FOXP2: variants seen among roughly 807,000 people sequenced by gnomAD.
FOXP2 encodes forkhead box protein P2.
In FOXP2, 12 loss-of-function variants were observed where a neutral mutation model predicts 115.8. The ratio of observed to expected loss-of-function variants is 0.10; its 90% CI spans 0.07 to 0.17. The LOEUF (loss-of-function observed/expected upper bound fraction) is 0.17, where lower values mean the gene tolerates loss of function less well. Among genes scored for constraint, FOXP2 ranks in the 10% least tolerant of loss-of-function variants. The probability of loss-of-function intolerance (pLI) is 1.00; values close to 1 mark genes in which losing one functional copy is unlikely to be tolerated. For synonymous variants in FOXP2, 328 were observed against 297.7 expected, an observed-to-expected ratio of 1.10 and a Z score of -1.05; for missense variants, 629 against 843.5, an observed-to-expected ratio of 0.75 and a Z score of 3.15.
At chr7:114,450,629 G>C (rs559761898) in intron 2 of FOXP2, among the ~76,000 whole-genome samples, 2 of 152,026 alleles carry the variant, frequency 1.3e-5, no homozygotes, top group Non-Finnish European at 2.9e-5. Flanking sequence ...TTAGTCAGTA[G>C]CCCTGTCTCC....
chr7:114,427,295 A>G (rs965923142), intron 2 of FOXP2, among the ~76,000 whole-genome samples: 3 of 151,640 alleles, frequency 2.0e-5, no homozygotes, highest in African/African-American at 7.2e-5. Context: ...ATAAAATGCA[A>G]TATTCTCTTT....
At chr7:114,677,180 A>AAAAAAAC (rs540326828) in intron 16 of FOXP2, among the ~76,000 whole-genome samples, 9,696 of 147,908 alleles carry the variant, frequency 0.066, 707 homozygotes, top group East Asian at 0.33. Context: ...AACAAAAAAA[A>AAAAAAAC]AAAAAACAAA....
intron 2 of FOXP2, among the ~76,000 whole-genome samples, chr7:114,486,869 C>T (rs1201112865): frequency 6.6e-6 from 1 of 152,168 alleles, no homozygotes; most frequent in African/African-American, 2.4e-5. Context: ...GCAGCTCCAC[C>T]CCTGTGGCTT....
chr7:114,517,550 T>C (rs939810490), intron 2 of FOXP2, among the ~76,000 whole-genome samples: 3 of 152,220 alleles, frequency 2.0e-5, no homozygotes, highest in Non-Finnish European at 4.4e-5. Flanking sequence ...AGTGGATATA[T>C]GCAGTTTCCC....
intron 2 of FOXP2, among the ~76,000 whole-genome samples, chr7:114,404,758 G>C (rs954213062): frequency 6.6e-6 from 1 of 151,958 alleles, no homozygotes; most frequent in East Asian, 1.9e-4. Flanking sequence ...AAAAGGCATA[G>C]GAGAACCTAA....
intron 3 of FOXP2, among the ~76,000 whole-genome samples, chr7:114,556,324 A>G (rs1427708536): frequency 6.6e-6 from 1 of 151,914 alleles, no homozygotes; most frequent in East Asian, 1.9e-4. Flanking sequence ...TATTGGCAAG[A>G]AAAGGAGCTG....
At chr7:114,186,173 T>G (rs1793600582) in intron 1 of FOXP2, among the ~76,000 whole-genome samples, 1 of 152,134 alleles carries the variant, frequency 6.6e-6, no homozygotes, top group Non-Finnish European at 1.5e-5. Context: ...ATCTCATCCC[T>G]GAGCCCTCCA....
intron 2 of FOXP2, among the ~76,000 whole-genome samples, chr7:114,461,525 T>A (rs1795559185): frequency 6.6e-6 from 1 of 152,184 alleles, no homozygotes; most frequent in Non-Finnish European, 1.5e-5. Context: ...TATGTATTTA[T>A]ATCATGAATA....
At chr7:114,279,420 T>C (rs1293464471) in intron 1 of FOXP2, among the ~76,000 whole-genome samples, 1 of 152,146 alleles carries the variant, frequency 6.6e-6, no homozygotes, top group Non-Finnish European at 1.5e-5. Flanking sequence ...CTCAGATGAT[T>C]AGGAAATCCA....
chr7:114,581,771 C>T (rs1167798461), intron 3 of FOXP2, among the ~76,000 whole-genome samples: 1 of 152,190 alleles, frequency 6.6e-6, no homozygotes, highest in East Asian at 1.9e-4. Flanking sequence ...CCTATGCATT[C>T]CTTCTTCCCC....
chr7:114,664,628 A>G, intron 16 of FOXP2, 192 bp downstream of exon 16: 1 of 632,722 alleles, frequency 1.6e-6, no homozygotes, highest in East Asian at 2.9e-5. Flanking sequence ...GATGATCTCA[A>G]ATGCCATATC....
At chr7:114,505,403 A>T (rs886712105) in intron 2 of FOXP2, among the ~76,000 whole-genome samples, 3 of 151,532 alleles carry the variant, frequency 2.0e-5, no homozygotes, top group Non-Finnish European at 4.4e-5. Flanking sequence ...TACCTTTAAA[A>T]TGTCAGGCTT....
At chr7:114,166,807 G>GTAA (rs1233265741) in intron 1 of FOXP2, among the ~76,000 whole-genome samples, 4 of 152,168 alleles carry the variant, frequency 2.6e-5, no homozygotes, top group Admixed American at 2.6e-4. Context: ...CATATGGCAA[G>GTAA]TAAGCATATG....
intron 1 of FOXP2, among the ~76,000 whole-genome samples, chr7:114,229,194 A>G (rs1294401058): frequency 6.6e-6 from 1 of 150,960 alleles, no homozygotes; most frequent in Non-Finnish European, 1.5e-5. Flanking sequence ...CATCATGAAG[A>G]TATAACTATT....
intron 2 of FOXP2, among the ~76,000 whole-genome samples, chr7:114,491,365 C>G (rs950882782): frequency 2.0e-5 from 3 of 151,934 alleles, no homozygotes; most frequent in Admixed American, 6.6e-5. Flanking sequence ...TTGTTTTTTT[C>G]TTGTAAATTT....
chr7:114,358,136 T>C (rs1255352230), intron 2 of FOXP2, among the ~76,000 whole-genome samples: 1 of 152,164 alleles, frequency 6.6e-6, no homozygotes, highest in East Asian at 1.9e-4. Context: ...GTTCTCATGA[T>C]AGTGGAATAA....
Position 114,658,277 on chromosome 7 carries a change from G to A in FOXP2, c.1468+10G>A. ...ATTCCCATGTCATCAGGTAGGATAT[G>A]AATGCTCAGTAGAGCACTTTTACTT... is the stretch of plus-strand genomic sequence containing the variant. On this transcript the variant is annotated intron_variant, in intron 11 of 16. Transcript: ENST00000350908. 1 of 1,613,374 alleles carries A rather than the reference G, an allele frequency of 6.2e-7. No homozygotes were observed. The highest frequency in any genetic ancestry group is 8.5e-7 in the Non-Finnish European group (1 of 1,179,632).
At chr7:114,336,469 T>C (rs1248976214) in intron 2 of FOXP2, among the ~76,000 whole-genome samples, 1 of 151,582 alleles carries the variant, frequency 6.6e-6, no homozygotes, top group Non-Finnish European at 1.5e-5. Context: ...TATTATTCTA[T>C]GTAATCATTT....
At chr7:114,281,949 G>A (rs1426491586) in intron 1 of FOXP2, among the ~76,000 whole-genome samples, 1 of 152,122 alleles carries the variant, frequency 6.6e-6, no homozygotes, top group African/African-American at 2.4e-5. Flanking sequence ...GGGTAGGTCA[G>A]TCAGGCAAGA....
Sources: allele counts gnomAD v4.1 joint callset (sites outside exome capture counted in the v4.1 genomes callset), GRCh38; gene constraint gnomAD v4.1.1; transcripts MANE v1.5; gene names NCBI Gene and HGNC (gene_info 2026-07-23, HGNC 2026-07-21).